RAPGEF1: variants seen among roughly 807,000 people sequenced by gnomAD.
RAPGEF1 encodes CRK SH3-binding GNRP.
RAPGEF1 carries 33 observed loss-of-function variants against 143.3 expected under a neutral mutation model. The observed-to-expected ratio is 0.23, with a 90% CI of 0.17 to 0.31. RAPGEF1 has a LOEUF of 0.31. Among genes scored for constraint, RAPGEF1 ranks in the 10% least tolerant of loss-of-function variants. The pLI is 1.00. For synonymous variants in RAPGEF1, 629 were observed against 676.5 expected (o/e 0.93, Z 1.09); for missense variants, 1,199 against 1,645.4 (o/e 0.73, Z 4.69).
chr9:131,717,946 CT>C (rs1835975961), intron 1 of RAPGEF1, among the ~76,000 whole-genome samples: 3 of 152,202 alleles, frequency 2.0e-5, no homozygotes, highest in African/African-American at 7.2e-5. Flanking sequence ...GGAAGAGGAA[CT>C]CATGTTTGCC....
At chr9:131,735,755 G>A (rs1048716189) in intron 1 of RAPGEF1, among the ~76,000 whole-genome samples, 1 of 152,142 alleles carries the variant, frequency 6.6e-6, no homozygotes, top group African/African-American at 2.4e-5. Flanking sequence ...GGGAGTGTCC[G>A]CCACCTGACT....
intron 1 of RAPGEF1, among the ~76,000 whole-genome samples, chr9:131,661,291 T>C (rs1278266705): frequency 6.6e-6 from 1 of 152,226 alleles, no homozygotes; most frequent in Non-Finnish European, 1.5e-5. Flanking sequence ...ACCCATGACA[T>C]GCATGGTTCT....
intron 1 of RAPGEF1, among the ~76,000 whole-genome samples, chr9:131,678,057 G>A (rs191154247): frequency 6.6e-6 from 1 of 152,322 alleles, no homozygotes; most frequent in East Asian, 1.9e-4. Context: ...TTAGAATCGA[G>A]GTCAACGCAA....
At chr9:131,661,335 T>A (rs1974029419) in intron 1 of RAPGEF1, among the ~76,000 whole-genome samples, 1 of 152,140 alleles carries the variant, frequency 6.6e-6, no homozygotes, top group Non-Finnish European at 1.5e-5. Context: ...TTCAAAAGAG[T>A]ACATTTTATA....
intron 3 of RAPGEF1, 111 bp from the exon 4 acceptor site, chr9:131,643,528 G>A: frequency 9.2e-7 from 1 of 1,089,996 alleles, no homozygotes; most frequent in Non-Finnish European, 1.3e-6. Context: ...GGAATGGAAA[G>A]GCTCTTGCTA....
intron 12 of RAPGEF1, among the ~76,000 whole-genome samples, chr9:131,617,348 G>A (rs1274292276): frequency 6.6e-6 from 1 of 152,254 alleles, no homozygotes; most frequent in African/African-American, 2.4e-5. Context: ...TTCCCAGCAT[G>A]AGTAGGGATG....
intron 1 of RAPGEF1, among the ~76,000 whole-genome samples, chr9:131,657,295 G>A (rs1588833442): frequency 6.6e-6 from 1 of 152,170 alleles, no homozygotes; most frequent in Non-Finnish European, 1.5e-5. Context: ...TCTCATGCAC[G>A]TCAATCATCT....
rs1354626517 is a variant in RAPGEF1 at position 131,586,775 on chromosome 9, T to A, written c.3233+961A>T. Among the ~76,000 whole-genome samples the A allele has an allele frequency of 1.5e-4, 7 of 47,688 alleles. 1 individual carries two copies. The highest frequency in any genetic ancestry group is 2.5e-4 in the Non-Finnish European group (7 of 27,558). The allele number at this position is 47,688 out of a possible 152,430, so 31.3% of individuals were successfully genotyped here. On this transcript the variant is annotated intron_variant, in intron 22 of 26. Transcript: ENST00000683357. ...CGAGACTCCGTCTCACACACACACC[T>A]GCAGAGCGAGACTCCGTCAAACACA... is the stretch of plus-strand genomic sequence containing the variant.
intron 3 of RAPGEF1, among the ~76,000 whole-genome samples, chr9:131,645,399 A>G (rs1969295975): frequency 6.6e-6 from 1 of 152,216 alleles, no homozygotes; most frequent in Non-Finnish European, 1.5e-5. Context: ...TAATCTGAAG[A>G]TGGGAGGCAC....
chr9:131,646,600 C>A (rs1487744838), intron 3 of RAPGEF1, among the ~76,000 whole-genome samples: 1 of 152,190 alleles, frequency 6.6e-6, no homozygotes, highest in Admixed American at 6.5e-5. Flanking sequence ...CACAGCCGTG[C>A]CGCAGCCGGG....
At position 131,580,178 on chromosome 9, in the gene RAPGEF1, C is replaced by T. The variant is rs889119259; in HGVS notation, c.3641+85G>A. 13 of 1,544,894 alleles carry T rather than the reference C, an allele frequency of 8.4e-6. No individual in the cohort carries two copies. The East Asian group carries it at 2.8e-4, about 33-fold the overall frequency. On this transcript the variant is annotated intron_variant, in intron 26 of 26. Coordinates refer to ENST00000683357, the MANE Select transcript of RAPGEF1 (RefSeq NM_001377935.1). Reference sequence around the variant, plus strand: ...GTCCCTGGGTCCTCTGTGGCTCCCCCTCCCCTCGGTGTCCCGGGCTGTCTC... The same window carrying T: ...GTCCCTGGGTCCTCTGTGGCTCCCCTTCCCCTCGGTGTCCCGGGCTGTCTC...
rs545029136 is a variant in RAPGEF1 at position 131,579,249 on chromosome 9, G to A, written c.*248C>T. ...AACAAAACCAAACCAGAAAACCACC[G>A]GTTTGTAAATTGGCAACAAGACCTG... On this transcript the variant is annotated 3_prime_UTR_variant, in exon 27 of 27. Coordinates refer to ENST00000683357, the MANE Select transcript of RAPGEF1 (RefSeq NM_001377935.1). 15 of 496,172 alleles carry A rather than the reference G, an allele frequency of 3.0e-5. No homozygotes were observed. The highest frequency in any genetic ancestry group is 2.3e-4 in the African/African-American group (12 of 51,480). 30.7% of individuals were successfully genotyped at this position (496,172 alleles called of 1,614,324 possible). A position where few individuals can be genotyped will look rare whatever the true frequency, so the allele number is the denominator to read the frequency against.
At chr9:131,729,218 CAA>C (rs1386226982) in intron 1 of RAPGEF1, among the ~76,000 whole-genome samples, 2 of 152,138 alleles carry the variant, frequency 1.3e-5, no homozygotes, top group East Asian at 3.9e-4. Context: ...GAGCCAAGAT[CAA>C]AAGTCTCCTG....
intron 9 of RAPGEF1, among the ~76,000 whole-genome samples, chr9:131,627,001 C>T (rs1963318901): frequency 4.4e-5 from 2 of 44,996 alleles, no homozygotes; most frequent in African/African-American, 2.7e-4. Context: ...GGCAGATCAC[C>T]TAGAGTTCAA....
chr9:131,620,677 A>G (rs998787617), intron 11 of RAPGEF1, among the ~76,000 whole-genome samples: 2 of 152,108 alleles, frequency 1.3e-5, no homozygotes, highest in African/African-American at 4.8e-5. Context: ...GAAGTGGCTG[A>G]GTGTGGTTTT....
rs192221492 is a variant in RAPGEF1 at position 131,615,182 on chromosome 9, C to T, written c.2061+3869G>A. 5.3e-3 allele frequency among the ~76,000 whole-genome samples: 815 copies of T among 152,362 alleles called. 3 individuals are homozygous for T. Among genetic ancestry groups the T allele is most frequent in the Admixed American group, 0.012 (187 of 15,310 alleles). ...CCGCCTCCTGGGTTCACGCCATTCT[C>T]CTTCCTCAGCCTCCCAAGTAGCTGG... On this transcript the variant is annotated intron_variant, in intron 12 of 26. Transcript: ENST00000683357.
chr9:131,588,333 G>A (rs1450527732), intron 20 of RAPGEF1, among the ~76,000 whole-genome samples: 1 of 152,208 alleles, frequency 6.6e-6, no homozygotes, highest in South Asian at 2.1e-4. Context: ...GCTCGCTCAC[G>A]GCTGGAGCCC....
rs946633644 is a variant in RAPGEF1, at chr9:131,675,091, G to A, written c.62-24142C>T. Among the ~76,000 whole-genome samples the A allele has an allele frequency of 6.6e-6, 1 of 152,162 alleles. No individual in the cohort carries two copies. Among genetic ancestry groups the A allele is most frequent in the Non-Finnish European group, 1.5e-5 (1 of 68,024 alleles). Reference sequence around the variant, plus strand: ...GCCCTTTCCACAGAGGGTGGTGGGGGGTGGTAGCAACTGTGCTTGCCACCA... The same window carrying A: ...GCCCTTTCCACAGAGGGTGGTGGGGAGTGGTAGCAACTGTGCTTGCCACCA... On this transcript the variant is annotated intron_variant, in intron 1 of 26. Transcript: ENST00000683357. The surrounding 1 kb of genome is among the most constrained non-coding windows in gnomAD (Gnocchi z 4.6).
chr9:131,607,765 G>A (rs1957344172), intron 12 of RAPGEF1, among the ~76,000 whole-genome samples: 1 of 152,138 alleles, frequency 6.6e-6, no homozygotes. Flanking sequence ...CATGTTCCGC[G>A]CTGACTCCTT....
Sources: gnomAD v4.1 joint callset for allele counts (sites outside exome capture counted in the v4.1 genomes callset) on GRCh38, gnomAD v4.1.1 for gene constraint, Gnocchi (gnomAD v3.1) non-coding constraint, MANE v1.5 for transcripts, NCBI Gene and HGNC (gene_info 2026-07-23, HGNC 2026-07-21) for gene names.